The following CDKAL1 variants were observed in gnomAD, a reference collection of about 807,000 sequenced individuals.
The protein encoded by CDKAL1 is CDKAL1 threonylcarbamoyladenosine tRNA methylthiotransferase, also known as threonylcarbamoyladenosine tRNA methylthiotransferase.
CDKAL1 carries 32 observed loss-of-function variants against 68.2 expected under a neutral mutation model. The observed-to-expected ratio is 0.47, with a 90% CI of 0.35 to 0.63. The LOEUF (loss-of-function observed/expected upper bound fraction) is 0.63. Ranked by LOEUF, CDKAL1 falls within the 30% of genes least tolerant of loss-of-function variation. The pLI, the probability that CDKAL1 is intolerant of heterozygous loss-of-function variation, is 0.00. For missense variants in CDKAL1, 606 were observed against 696.7 expected (o/e 0.87, Z 1.47); for synonymous variants, 234 against 244.3 (o/e 0.96, Z 0.39).
intron 4 of CDKAL1, among the ~76,000 whole-genome samples, chr6:20,646,074 TGAGACA>T (rs1404302425): frequency 7.7e-6 from 1 of 129,604 alleles, no homozygotes; most frequent in Non-Finnish European, 1.6e-5. Flanking sequence ...TTTTTTTTTG[TGAGACA>T]GAGTCTCACT....
intron 11 of CDKAL1, among the ~76,000 whole-genome samples, chr6:21,046,044 A>ATGT (rs1770210106): frequency 1.3e-5 from 2 of 152,192 alleles, no homozygotes; most frequent in Non-Finnish European, 2.9e-5. Flanking sequence ...TGGGCAGCTT[A>ATGT]CATGACCTTT....
At chr6:21,226,280 GAA>G (rs1779737736) in intron 15 of CDKAL1, among the ~76,000 whole-genome samples, 1 of 128,794 alleles carries the variant, frequency 7.8e-6, no homozygotes, top group African/African-American at 3.1e-5. Context: ...TTCTGAACAT[GAA>G]AGTTTTTTTT....
At chr6:21,064,302 A>G (rs1311786916) in intron 11 of CDKAL1, among the ~76,000 whole-genome samples, 1 of 152,210 alleles carries the variant, frequency 6.6e-6, no homozygotes, top group African/African-American at 2.4e-5. Context: ...GATCCGGGAA[A>G]AAAAGATTAT....
At chr6:21,157,907 A>C (rs1219110009) in intron 13 of CDKAL1, among the ~76,000 whole-genome samples, 1 of 152,262 alleles carries the variant, frequency 6.6e-6, no homozygotes, top group Non-Finnish European at 1.5e-5. Flanking sequence ...TTTGGAAAAG[A>C]AATGTTATTC....
chr6:21,098,026 C>A (rs974725824), intron 12 of CDKAL1, among the ~76,000 whole-genome samples: 1 of 152,216 alleles, frequency 6.6e-6, no homozygotes, highest in South Asian at 2.1e-4. Context: ...TTTCTTCCCA[C>A]TAGTTTGAAA....
chr6:20,985,004 C>T (rs1051717001), intron 10 of CDKAL1, among the ~76,000 whole-genome samples: 2 of 152,052 alleles, frequency 1.3e-5, no homozygotes, highest in Admixed American at 6.6e-5. Context: ...CTAATAGTGC[C>T]GTAATTTGGA....
intron 9 of CDKAL1, among the ~76,000 whole-genome samples, chr6:20,861,922 T>A (rs1289316709): frequency 6.6e-6 from 1 of 152,184 alleles, no homozygotes; most frequent in African/African-American, 2.4e-5. Flanking sequence ...AGCCACCACA[T>A]TGATCAAATG....
intron 8 of CDKAL1, among the ~76,000 whole-genome samples, chr6:20,822,466 G>A (rs529586697): frequency 2.0e-5 from 3 of 152,192 alleles, no homozygotes; most frequent in East Asian, 1.9e-4. Flanking sequence ...CAGACCTCGC[G>A]ATACTTCTCG....
chr6:21,044,417 C>T (rs1582087262), intron 11 of CDKAL1, among the ~76,000 whole-genome samples: 1 of 152,204 alleles, frequency 6.6e-6, no homozygotes, highest in African/African-American at 2.4e-5. Context: ...GACTTTACCA[C>T]TCTGATACCT....
At chr6:21,033,807 G>T (rs1769427612) in intron 11 of CDKAL1, among the ~76,000 whole-genome samples, 3 of 152,158 alleles carry the variant, frequency 2.0e-5, no homozygotes, top group Admixed American at 6.6e-5. Context: ...CAAATGAACA[G>T]TTAAGAAAAG....
chr6:20,605,638 A>T (rs1212544638), intron 4 of CDKAL1, among the ~76,000 whole-genome samples: 3 of 152,102 alleles, frequency 2.0e-5, no homozygotes, highest in Non-Finnish European at 4.4e-5. Flanking sequence ...ACTTGGAAAC[A>T]GGTTGGTTCT....
chr6:20,700,217 T>C (rs1581406494), intron 5 of CDKAL1, among the ~76,000 whole-genome samples: 1 of 152,070 alleles, frequency 6.6e-6, no homozygotes. Context: ...GAGCCAGGCA[T>C]GGTGGCACAT....
At position 20,781,268 on chromosome 6, in the gene CDKAL1, A is replaced by G. The variant is rs763879450; in HGVS notation, c.638+3A>G. ...GAAATCATTTCCATCAATACCGGGTAAGCATCTCTCAAACTTGCTCATAAA... is the reference window on the plus strand; with the variant it reads ...GAAATCATTTCCATCAATACCGGGTGAGCATCTCTCAAACTTGCTCATAAA... On this transcript the variant is annotated splice_donor_region_variant and intron_variant, in intron 8 of 15. Coordinates refer to ENST00000274695, the MANE Select transcript of CDKAL1 (RefSeq NM_017774.3). The G allele has an allele frequency of 6.2e-7, 1 of 1,606,820 alleles. No homozygotes were observed. The highest frequency in any genetic ancestry group is 8.5e-7 in the Non-Finnish European group (1 of 1,177,270).
chr6:20,902,186 A>G (rs1188650440), intron 9 of CDKAL1, among the ~76,000 whole-genome samples: 1 of 152,142 alleles, frequency 6.6e-6, no homozygotes, highest in African/African-American at 2.4e-5. Context: ...TAGCAGTGAA[A>G]TGACATCATC....
intron 4 of CDKAL1, among the ~76,000 whole-genome samples, chr6:20,583,359 T>C (rs1488838844): frequency 6.6e-6 from 1 of 152,214 alleles, no homozygotes; most frequent in Non-Finnish European, 1.5e-5. Flanking sequence ...AACTCTTACT[T>C]TGAATGTAAG....
intron 9 of CDKAL1, among the ~76,000 whole-genome samples, chr6:20,905,334 A>G (rs960551794): frequency 6.6e-6 from 1 of 152,230 alleles, no homozygotes; most frequent in Non-Finnish European, 1.5e-5. Flanking sequence ...TTCAAAGACA[A>G]TTGTGAGCAG....
chr6:20,647,195 A>G (rs1648822057), intron 4 of CDKAL1, among the ~76,000 whole-genome samples: 1 of 152,236 alleles, frequency 6.6e-6, no homozygotes, highest in African/African-American at 2.4e-5. Flanking sequence ...GCAAATATTT[A>G]AGGAGTATCT....
chr6:20,931,803 G>A (rs66498719), intron 9 of CDKAL1, among the ~76,000 whole-genome samples: 15,723 of 152,134 alleles, frequency 0.1, 837 homozygotes, highest in South Asian at 0.14. Flanking sequence ...CTCCTTACCC[G>A]AAAGAACCTG....
rs1308287257 is a variant in CDKAL1 at position 20,935,792 on chromosome 6, A to T, written c.743-19627A>T. On this transcript the variant is annotated intron_variant, in intron 9 of 15. Transcript: ENST00000274695. ...GCTACATAGCCCAGGCTGGTCTACA[A>T]CTCCTGCGCTCAAGCGATCCTCCCC... is the stretch of plus-strand genomic sequence containing the variant. Among the ~76,000 whole-genome samples, 5 of 151,894 alleles carry T rather than the reference A, an allele frequency of 3.3e-5. No individual in the cohort carries two copies. The East Asian group carries it at 9.7e-4, about 29-fold the overall frequency.
Sources: allele counts gnomAD v4.1 joint callset (sites outside exome capture counted in the v4.1 genomes callset), GRCh38; gene constraint gnomAD v4.1.1; transcripts MANE v1.5; gene names NCBI Gene and HGNC (gene_info 2026-07-23, HGNC 2026-07-21).